Variants in MIR2052HG observed in about 807,000 individuals in gnomAD.
MIR2052HG encodes the protein MIR2052 host gene.
intron 2 of MIR2052HG, among the ~76,000 whole-genome samples, chr8:74,655,284 C>G (rs926092456): frequency 2.6e-5 from 4 of 152,160 alleles, no homozygotes; most frequent in Non-Finnish European, 5.9e-5. Context: ...GCATAACTAA[C>G]AAGGAGCCGA....
chr8:74,731,689 T>A (rs1809693826), intron 4 of MIR2052HG, among the ~76,000 whole-genome samples: 1 of 152,118 alleles, frequency 6.6e-6, no homozygotes, highest in African/African-American at 2.4e-5. Context: ...ATAGTGTATT[T>A]ATTAAGTTGG....
At chr8:74,674,526 C>A (rs1467609415) in intron 2 of MIR2052HG, among the ~76,000 whole-genome samples, 2 of 151,928 alleles carry the variant, frequency 1.3e-5, no homozygotes, top group African/African-American at 2.4e-5. Context: ...GGATCCTAAT[C>A]AGATGACTTC....
chr8:74,613,018 A>T, intron 2 of MIR2052HG: 1 of 442,112 alleles, frequency 2.3e-6, no homozygotes, highest in Non-Finnish European at 4.6e-6. Context: ...TTTGAATCAG[A>T]CAGTGAAACC....
At chr8:74,742,918 A>G (rs1367994037) in intron 4 of MIR2052HG, among the ~76,000 whole-genome samples, 1 of 152,178 alleles carries the variant, frequency 6.6e-6, no homozygotes, top group Non-Finnish European at 1.5e-5. Context: ...TTATTCTGGG[A>G]ATCCCTTGGA....
At chr8:74,728,395 A>G (rs1809657510) in intron 4 of MIR2052HG, among the ~76,000 whole-genome samples, 1 of 152,190 alleles carries the variant, frequency 6.6e-6, no homozygotes, top group South Asian at 2.1e-4. Context: ...TTGTTTTCTG[A>G]AAGTAATTTT....
chr8:74,640,627 C>T (rs1339884118), intron 2 of MIR2052HG, among the ~76,000 whole-genome samples: 1 of 152,108 alleles, frequency 6.6e-6, no homozygotes, highest in Non-Finnish European at 1.5e-5. Context: ...TCTTTATGTT[C>T]TTATAAGGAC....
chr8:74,625,467 T>C (rs1424285805), intron 2 of MIR2052HG: 1 of 152,200 alleles, frequency 6.6e-6, no homozygotes, highest in Non-Finnish European at 1.5e-5. Context: ...TTTGGTGACA[T>C]ATAATTATAA....
intron 2 of MIR2052HG, among the ~76,000 whole-genome samples, chr8:74,650,344 CAT>C (rs1396472223): frequency 6.6e-6 from 1 of 152,102 alleles, no homozygotes; most frequent in African/African-American, 2.4e-5. Flanking sequence ...GAGGTTCACT[CAT>C]GTTGTGTGTA....
chr8:74,722,521 A>G (rs780593927), intron 4 of MIR2052HG, among the ~76,000 whole-genome samples: 1 of 152,206 alleles, frequency 6.6e-6, no homozygotes, highest in Non-Finnish European at 1.5e-5. Context: ...TATACATAAT[A>G]AAATGTCTCT....
At chr8:74,656,883 G>C (rs1045520079) in intron 2 of MIR2052HG, among the ~76,000 whole-genome samples, 1 of 152,210 alleles carries the variant, frequency 6.6e-6, no homozygotes, top group Non-Finnish European at 1.5e-5. Context: ...GGACAGTCAA[G>C]AAGGGAGTCA....
At chr8:74,618,592 C>T (rs769260546) in intron 2 of MIR2052HG, among the ~76,000 whole-genome samples, 1 of 152,166 alleles carries the variant, frequency 6.6e-6, no homozygotes, top group Non-Finnish European at 1.5e-5. Context: ...CAAAATTTCA[C>T]ATTATTTCAT....
intron 1 of MIR2052HG, among the ~76,000 whole-genome samples, chr8:74,605,785 TAAC>T (rs1162116662): frequency 6.6e-5 from 7 of 105,642 alleles, no homozygotes; most frequent in African/African-American, 3.2e-4. Context: ...CTGGAAATGA[TAAC>T]AAAGGCAAAA....
chr8:74,663,995 C>T (rs1007490285), intron 2 of MIR2052HG, among the ~76,000 whole-genome samples: 1 of 151,892 alleles, frequency 6.6e-6, no homozygotes, highest in Admixed American at 6.6e-5. Flanking sequence ...AGCTGGAGGC[C>T]ATTATTCTAA....
intron 4 of MIR2052HG, among the ~76,000 whole-genome samples, chr8:74,738,102 C>CA (rs1809787619): frequency 7.3e-5 from 10 of 136,774 alleles, no homozygotes; most frequent in Non-Finnish European, 1.1e-4. Context: ...ATGTATGTAT[C>CA]TGTTATGTAT....
At chr8:74,754,229 T>C (rs1044254762) in intron 5 of MIR2052HG, among the ~76,000 whole-genome samples, 1 of 152,226 alleles carries the variant, frequency 6.6e-6, no homozygotes, top group African/African-American at 2.4e-5. Flanking sequence ...GATAAGTATA[T>C]GTTAAATAAA....
At chr8:74,640,037 C>A (rs749642228) in intron 2 of MIR2052HG, among the ~76,000 whole-genome samples, 1 of 152,138 alleles carries the variant, frequency 6.6e-6, no homozygotes, top group Non-Finnish European at 1.5e-5. Flanking sequence ...TCCTTTAATG[C>A]CTTTATTAAT....
At chr8:74,688,771 T>C (rs113262866) in intron 2 of MIR2052HG, among the ~76,000 whole-genome samples, 29 of 152,284 alleles carry the variant, frequency 1.9e-4, no homozygotes, top group African/African-American at 6.7e-4. Context: ...CTGGGCAGTA[T>C]ACACTGAACC....
At chr8:74,664,590 T>C (rs1808901429) in intron 2 of MIR2052HG, among the ~76,000 whole-genome samples, 1 of 152,160 alleles carries the variant, frequency 6.6e-6, no homozygotes, top group Non-Finnish European at 1.5e-5. Flanking sequence ...CAATCTCGGC[T>C]CACTGCAACC....
chr8:74,703,575 A>G (rs1265384707), intron 3 of MIR2052HG: 1 of 439,130 alleles, frequency 2.3e-6, no homozygotes, highest in East Asian at 7.2e-5. Flanking sequence ...GATTACTGTT[A>G]TCTCAGCTAT....
Sources: allele counts gnomAD v4.1 joint callset (sites outside exome capture counted in the v4.1 genomes callset), GRCh38; gene constraint gnomAD v4.1.1; transcripts MANE v1.5; gene names NCBI Gene and HGNC (gene_info 2026-07-23, HGNC 2026-07-21).